Variants in LRRC4C observed in about 807,000 individuals in gnomAD.
LRRC4C encodes leucine rich repeat containing 4C.
LRRC4C carries 5 observed loss-of-function variants against 33.6 expected under a neutral mutation model. That is an observed-to-expected ratio of 0.15 (90% confidence interval 0.08 to 0.31). LRRC4C has a LOEUF of 0.31. Among genes scored for constraint, LRRC4C ranks in the 10% least tolerant of loss-of-function variants. The pLI, the probability that LRRC4C is intolerant of heterozygous loss-of-function variation, is 1.00. For missense variants in LRRC4C, 560 were observed against 796.7 expected (o/e 0.70, Z 3.58); for synonymous variants, 329 against 302.0 (o/e 1.09, Z -0.93).
chr11:41,422,839 C>T (rs191437889), intron 1 of LRRC4C, among the ~76,000 whole-genome samples: 1 of 151,948 alleles, frequency 6.6e-6, no homozygotes, highest in Non-Finnish European at 1.5e-5. Context: ...AAAGCAGAAA[C>T]TCAAATAAAT....
rs568465535 is a variant in LRRC4C at position 40,853,508 on chromosome 11, G to C, written c.-407+80127C>G. On this transcript the variant is annotated intron_variant, in intron 2 of 6. Coordinates refer to ENST00000528697, the MANE Select transcript of LRRC4C (RefSeq NM_001258419.2). ...AGCCTAACCAGGTCATTCAGGTTTT[G>C]GTTTATGCAAAAATATTTCCTTAAG... is the stretch of plus-strand genomic sequence containing the variant. 6.0e-5 allele frequency among the ~76,000 whole-genome samples: 9 copies of C among 150,914 alleles called. No homozygotes were observed. The South Asian group carries it at 1.9e-3, about 31-fold the overall frequency.
At chr11:40,787,950 G>A (rs1447319720) in intron 2 of LRRC4C, among the ~76,000 whole-genome samples, 1 of 152,130 alleles carries the variant, frequency 6.6e-6, no homozygotes, top group Non-Finnish European at 1.5e-5. Context: ...TCTTATTGTT[G>A]TTCTTGTTAT....
intron 1 of LRRC4C, among the ~76,000 whole-genome samples, chr11:41,311,513 A>G (rs962132534): frequency 6.6e-6 from 1 of 152,168 alleles, no homozygotes; most frequent in Non-Finnish European, 1.5e-5. Flanking sequence ...CCTCTACTGT[A>G]TTTTTCAATT....
At chr11:40,572,136 A>G (rs1958006350) in intron 3 of LRRC4C, among the ~76,000 whole-genome samples, 1 of 152,220 alleles carries the variant, frequency 6.6e-6, no homozygotes, top group Non-Finnish European at 1.5e-5. Context: ...GCAGGAACAA[A>G]CAGTCATTTT....
At chr11:40,259,243 C>A (rs959449463) in intron 4 of LRRC4C, among the ~76,000 whole-genome samples, 2 of 151,956 alleles carry the variant, frequency 1.3e-5, no homozygotes, top group African/African-American at 4.8e-5. Context: ...CCTTCGCCCA[C>A]TTTTTGATGG....
chr11:40,984,447 A>C (rs893797105), intron 1 of LRRC4C, among the ~76,000 whole-genome samples: 16 of 151,202 alleles, frequency 1.1e-4, no homozygotes, highest in African/African-American at 3.2e-4. Context: ...GAAAGAAAGA[A>C]AGACAGACAG....
chr11:40,359,365 A>G (rs1445956635), intron 3 of LRRC4C, among the ~76,000 whole-genome samples: 1 of 152,128 alleles, frequency 6.6e-6, no homozygotes, highest in Non-Finnish European at 1.5e-5. Flanking sequence ...AAACTGTCAT[A>G]TTATTTGGAG....
chr11:40,885,091 T>A (rs534274275), intron 2 of LRRC4C, among the ~76,000 whole-genome samples: 6 of 152,188 alleles, frequency 3.9e-5, no homozygotes, highest in African/African-American at 1.4e-4. Flanking sequence ...ATGCATTGTA[T>A]CCTTGTTAAC....
chr11:40,216,925 A>G (rs7947364), intron 5 of LRRC4C, among the ~76,000 whole-genome samples: 112,847 of 152,028 alleles, frequency 0.74, 46,016 homozygotes, highest in East Asian at 0.96. Flanking sequence ...CATCTGAGGA[A>G]ATCCAGGATC....
intron 2 of LRRC4C, among the ~76,000 whole-genome samples, chr11:40,660,555 T>C (rs1055819363): frequency 6.6e-5 from 10 of 152,212 alleles, no homozygotes; most frequent in Non-Finnish European, 1.5e-4. Flanking sequence ...GGCCAAATCC[T>C]ATATCTCGTT....
intron 3 of LRRC4C, among the ~76,000 whole-genome samples, chr11:40,564,298 A>T (rs1158284051): frequency 6.6e-6 from 1 of 152,208 alleles, no homozygotes; most frequent in Admixed American, 6.5e-5. Context: ...AGACAAAAAA[A>T]GGAATGAGCA....
chr11:41,283,426 C>T (rs1455646488), intron 1 of LRRC4C, among the ~76,000 whole-genome samples: 2 of 152,136 alleles, frequency 1.3e-5, no homozygotes, highest in Non-Finnish European at 2.9e-5. Flanking sequence ...ATAAAGGAAC[C>T]ACACGCTATT....
chr11:40,414,122 C>T (rs781497231), intron 3 of LRRC4C, among the ~76,000 whole-genome samples: 8 of 151,720 alleles, frequency 5.3e-5, no homozygotes, highest in Non-Finnish European at 1.0e-4. Flanking sequence ...ATGATGAAAT[C>T]ATATTTGTCT....
intron 1 of LRRC4C, among the ~76,000 whole-genome samples, chr11:41,236,165 C>T (rs908543270): frequency 2.6e-5 from 4 of 152,040 alleles, no homozygotes; most frequent in African/African-American, 7.2e-5. Context: ...GGCCAATTAG[C>T]GCTTCACCTT....
intron 1 of LRRC4C, among the ~76,000 whole-genome samples, chr11:41,121,560 T>C (rs914206822): frequency 6.6e-6 from 1 of 152,198 alleles, no homozygotes; most frequent in Admixed American, 6.5e-5. Flanking sequence ...TCATTAAATG[T>C]TAGATAATTC....
intron 1 of LRRC4C, among the ~76,000 whole-genome samples, chr11:41,004,869 G>A (rs749456500): frequency 9.9e-5 from 15 of 152,106 alleles, no homozygotes; most frequent in Non-Finnish European, 1.8e-4. Context: ...TTAAAATCAC[G>A]TGGCATTTTA....
At chr11:40,118,989 G>C (rs1010687791) in intron 6 of LRRC4C, among the ~76,000 whole-genome samples, 3 of 152,100 alleles carry the variant, frequency 2.0e-5, no homozygotes, top group Non-Finnish European at 4.4e-5. Flanking sequence ...CAGTGCCAGA[G>C]AGCGATCCAG....
At chr11:40,947,627 A>G (rs1022520505) in intron 1 of LRRC4C, among the ~76,000 whole-genome samples, 3 of 152,158 alleles carry the variant, frequency 2.0e-5, no homozygotes, top group African/African-American at 7.2e-5. Flanking sequence ...AGGCATTCTC[A>G]CAGGTCACCA....
intron 2 of LRRC4C, among the ~76,000 whole-genome samples, chr11:40,911,401 T>C (rs1956680058): frequency 1.3e-5 from 2 of 152,140 alleles, no homozygotes; most frequent in Admixed American, 1.3e-4. Flanking sequence ...TATCCGCTGT[T>C]CTGCATCCTC....
Sources: allele counts gnomAD v4.1 joint callset (sites outside exome capture counted in the v4.1 genomes callset), GRCh38; gene constraint gnomAD v4.1.1; transcripts MANE v1.5; gene names NCBI Gene and HGNC (gene_info 2026-07-23, HGNC 2026-07-21).